The following MARCHF6 variants were observed in gnomAD, a reference collection of about 807,000 sequenced individuals.
MARCHF6 encodes E3 ubiquitin-protein ligase MARCHF6.
Under a neutral mutation model 133.7 loss-of-function variants are expected in MARCHF6, and 31 were observed. The observed-to-expected ratio is 0.23, with a 90% confidence interval of 0.17 to 0.31. The LOEUF (loss-of-function observed/expected upper bound fraction) is 0.31, where lower values mean the gene tolerates loss of function less well. MARCHF6 is among the 10% of genes least tolerant of loss of function. The pLI is 1.00. For synonymous variants in MARCHF6, 395 were observed against 402.5 expected (o/e 0.98, Z 0.22); for missense variants, 723 against 1,121.6 (o/e 0.64, Z 5.08).
At chr5:10,361,514 CT>C (rs1264428913) in intron 1 of MARCHF6, among the ~76,000 whole-genome samples, 1 of 152,104 alleles carries the variant, frequency 6.6e-6, no homozygotes, top group African/African-American at 2.4e-5. Context: ...CTAATCTCTT[CT>C]TTTTTTAAAG....
At chr5:10,364,082 G>A (rs1735983141) in intron 1 of MARCHF6, among the ~76,000 whole-genome samples, 1 of 152,168 alleles carries the variant, frequency 6.6e-6, no homozygotes, top group Admixed American at 6.5e-5. Flanking sequence ...TTAAATTGGT[G>A]AACTTTATGA....
rs60984668 is a variant in MARCHF6, at chr5:10,435,697, ATTTTTTTTTTTTTTTTT to A, written c.*2028_*2044del. On this transcript the variant is annotated 3_prime_UTR_variant, in exon 26 of 26. Coordinates refer to ENST00000274140, the MANE Select transcript of MARCHF6 (RefSeq NM_005885.4). ...TATATATATATATATATATATATAT[ATTTTTTTTTTTTTTTTT>A]TTTTTTTTTTTTTTGCCCCCGAGAC... The A allele has an allele frequency of 3.4e-4, 2 of 5,874 alleles. No homozygotes were observed. Among genetic ancestry groups the A allele is most frequent in the African/African-American group, 5.3e-4 (1 of 1,884 alleles). The allele number at this position is 5,874 out of a possible 1,614,324, so 0.4% of individuals were successfully genotyped here.
At chr5:10,387,254 A>T (rs943688735) in intron 5 of MARCHF6, among the ~76,000 whole-genome samples, 188 bp downstream of exon 5, 1 of 151,876 alleles carries the variant, frequency 6.6e-6, no homozygotes, top group African/African-American at 2.4e-5. Flanking sequence ...CTTTTAAAAC[A>T]TACCTGTTTT....
chr5:10,379,217 TTTTA>T (rs1736978717), intron 3 of MARCHF6, among the ~76,000 whole-genome samples: 1 of 152,164 alleles, frequency 6.6e-6, no homozygotes, highest in Admixed American at 6.5e-5. Flanking sequence ...CTCTTTATCC[TTTTA>T]TTTTTTTCTC....
chr5:10,360,224 A>C (rs1374983470), intron 1 of MARCHF6, among the ~76,000 whole-genome samples: 1 of 134,928 alleles, frequency 7.4e-6, no homozygotes, highest in Non-Finnish European at 1.5e-5. Flanking sequence ...ATCTCAGCTC[A>C]TTGCAACCTC....
chr5:10,424,579 TA>T (rs1475939125), intron 23 of MARCHF6, among the ~76,000 whole-genome samples: 3 of 152,246 alleles, frequency 2.0e-5, no homozygotes, highest in Non-Finnish European at 4.4e-5. Flanking sequence ...CAACCACGTT[TA>T]AGCCATCCTT....
In MARCHF6 at chr5:10,402,528, T is replaced by C. The variant is rs115485575; in HGVS notation, c.1123-5T>C. The C allele has an allele frequency of 1.2e-3, 1,995 of 1,613,814 alleles. 21 individuals carry two copies. The African/African-American group carries it at 0.023, about 19-fold the overall frequency. On this transcript the variant is annotated splice_region_variant and splice_polypyrimidine_tract_variant and intron_variant, in intron 13 of 25. Transcript: ENST00000274140. ...TGATACTGATGACCTTTATTTTCAC[T>C]TAAGGTCTCTTTGTTAGTGGTGGTA...
At chr5:10,421,558 A>C (rs1051247786) in intron 22 of MARCHF6, among the ~76,000 whole-genome samples, 1 of 152,216 alleles carries the variant, frequency 6.6e-6, no homozygotes, top group African/African-American at 2.4e-5. Flanking sequence ...ATAGTGGGCC[A>C]GTTGGAATTC....
At chr5:10,400,277 A>G (rs1378665676) in intron 10 of MARCHF6, among the ~76,000 whole-genome samples, 5 of 152,168 alleles carry the variant, frequency 3.3e-5, no homozygotes, top group Admixed American at 1.3e-4. Context: ...AGTCAACCCA[A>G]ACCTGTCTGT....
chr5:10,400,783 G>T lies in MARCHF6; in HGVS notation c.914-1G>T. The T allele has an allele frequency of 6.2e-7, 1 of 1,611,102 alleles. No individual in the cohort carries two copies. The highest frequency in any genetic ancestry group is 8.5e-7 in the Non-Finnish European group (1 of 1,177,572). On this transcript the variant is annotated splice_acceptor_variant, in intron 10 of 25. Transcript: ENST00000274140. LOFTEE classifies it high-confidence loss of function. ...TCATGGAATTTTTTCCCCCTTTTTA[G>T]CATTTTGCCCTTACCATATTGGTCA...
At chr5:10,431,070 C>T (rs1364356865) in intron 25 of MARCHF6, among the ~76,000 whole-genome samples, 1 of 152,078 alleles carries the variant, frequency 6.6e-6, no homozygotes, top group Non-Finnish European at 1.5e-5. Flanking sequence ...TGTGCTTGTC[C>T]CCCCTTGCAC....
chr5:10,391,091 T>TA (rs1244828551), intron 6 of MARCHF6, among the ~76,000 whole-genome samples: 1 of 152,222 alleles, frequency 6.6e-6, no homozygotes, highest in Admixed American at 6.5e-5. Context: ...GTTTTGTTTT[T>TA]AAAAAGAATT....
chr5:10,411,450 C>G lies in MARCHF6; in HGVS notation c.1809C>G (p.Gly603=). 1 of 1,614,200 alleles carries G rather than the reference C, an allele frequency of 6.2e-7. No individual in the cohort carries two copies. ...ACGCTATTCCTGTGGTGGGAGAAGGCCTTCATGCAGCCCACCAAGCCATAC... is the reference window on the plus strand; with the variant it reads ...ACGCTATTCCTGTGGTGGGAGAAGGGCTTCATGCAGCCCACCAAGCCATAC... ...NNNAIPVVGE[G]LHAAHQAILQ... The change falls in exon 19 of 26, where the codon GGC becomes GGG. Residue 603 remains glycine (G), a synonymous_variant. Transcript: ENST00000274140.
rs753560059 is a variant in MARCHF6, at chr5:10,430,048, C to T, written c.2642+20C>T. The T allele has an allele frequency of 1.8e-5, 28 of 1,598,522 alleles. No individual in the cohort carries two copies. Among genetic ancestry groups the T allele is most frequent in the Middle Eastern group, 1.7e-4 (1 of 6,006 alleles). On this transcript the variant is annotated intron_variant, in intron 25 of 25. Transcript: ENST00000274140. ...TGACAAGTAAGTCTGGCGTTCTGTT[C>T]GTCTCTTGTTTAAGTGTTTTCACTT...
At chr5:10,355,831 G>C (rs1035217437) in intron 1 of MARCHF6, among the ~76,000 whole-genome samples, 2 of 152,158 alleles carry the variant, frequency 1.3e-5, no homozygotes, top group African/African-American at 4.8e-5. Flanking sequence ...TGTCAGAGTC[G>C]CACTTAAATT....
intron 7 of MARCHF6, among the ~76,000 whole-genome samples, chr5:10,392,152 G>T (rs1737898280): frequency 1.3e-5 from 2 of 151,978 alleles, no homozygotes; most frequent in African/African-American, 4.8e-5. Context: ...TAGAGACGGG[G>T]TTTCACCGTG....
At chr5:10,378,232 AT>A (rs1736907531) in intron 2 of MARCHF6, among the ~76,000 whole-genome samples, 1 of 152,178 alleles carries the variant, frequency 6.6e-6, no homozygotes, top group Non-Finnish European at 1.5e-5. Context: ...AGTAGCTTAC[AT>A]TTATGAAGTA....
At chr5:10,358,854 T>C (rs190335174) in intron 1 of MARCHF6, among the ~76,000 whole-genome samples, 82 of 152,260 alleles carry the variant, frequency 5.4e-4, no homozygotes, top group African/African-American at 1.9e-3. Context: ...ATGTTAAAAT[T>C]TATCAAAACT....
intron 3 of MARCHF6, among the ~76,000 whole-genome samples, chr5:10,380,597 C>T (rs866361957): frequency 2.0e-5 from 3 of 152,232 alleles, no homozygotes; most frequent in African/African-American, 7.2e-5. Flanking sequence ...GATATCCTAT[C>T]GAAGTCAATG....
Sources: gnomAD v4.1 joint callset for allele counts (sites outside exome capture counted in the v4.1 genomes callset) on GRCh38, gnomAD v4.1.1 for gene constraint, MANE v1.5 for transcripts, NCBI Gene and HGNC (gene_info 2026-07-23, HGNC 2026-07-21) for gene names.